The following GNA14 variants were observed in gnomAD, a reference collection of about 807,000 sequenced individuals.
The protein encoded by GNA14 is G protein subunit alpha 14.
Under a neutral mutation model 42.0 loss-of-function variants are expected in GNA14, and 50 were observed. That is an observed-to-expected ratio of 1.19 (90% CI 0.95 to 1.51). The LOEUF is 1.51. GNA14 is among the 40% of genes most tolerant of loss of function. The pLI is 0.00. For missense variants in GNA14, 473 were observed against 446.2 expected (o/e 1.06, Z -0.54); for synonymous variants, 173 against 163.1 (o/e 1.06, Z -0.46).
At chr9:77,441,301 G>T (rs1835729826) in intron 2 of GNA14, among the ~76,000 whole-genome samples, 1 of 152,110 alleles carries the variant, frequency 6.6e-6, no homozygotes, top group African/African-American at 2.4e-5. Flanking sequence ...AGATGTGATG[G>T]TTTCCTAAGT....
At chr9:77,557,884 C>A (rs570334648) in intron 1 of GNA14, among the ~76,000 whole-genome samples, 1 of 152,068 alleles carries the variant, frequency 6.6e-6, no homozygotes, top group African/African-American at 2.4e-5. Flanking sequence ...TCTGAGCAGC[C>A]CTTAGGGATT....
At chr9:77,557,687 C>T (rs576380364) in intron 1 of GNA14, among the ~76,000 whole-genome samples, 3 of 152,040 alleles carry the variant, frequency 2.0e-5, no homozygotes, top group East Asian at 1.9e-4. Flanking sequence ...ACAAGGAGTG[C>T]GGTGGTTAAT....
At chr9:77,545,267 G>A (rs1837706461) in intron 1 of GNA14, among the ~76,000 whole-genome samples, 1 of 144,012 alleles carries the variant, frequency 6.9e-6, no homozygotes. Context: ...TAAATAAGAG[G>A]AGCTACCAGT....
chr9:77,619,329 C>T (rs913888965), intron 1 of GNA14, among the ~76,000 whole-genome samples: 2 of 152,292 alleles, frequency 1.3e-5, no homozygotes, highest in Admixed American at 6.5e-5. Context: ...GCCTCAGCCT[C>T]CTGAGTAGCT....
chr9:77,598,294 A>G (rs1331649570), intron 1 of GNA14, among the ~76,000 whole-genome samples: 1 of 152,190 alleles, frequency 6.6e-6, no homozygotes, highest in Admixed American at 6.5e-5. Flanking sequence ...AGAATGGGGT[A>G]CACTAGACAA....
chr9:77,508,100 GCT>G (rs1837099895), intron 2 of GNA14, among the ~76,000 whole-genome samples: 2 of 152,184 alleles, frequency 1.3e-5, no homozygotes, highest in South Asian at 4.2e-4. Flanking sequence ...CCGCTTCCCT[GCT>G]CTCTCTCATT....
At chr9:77,646,403 C>T (rs1015617370) in intron 1 of GNA14, among the ~76,000 whole-genome samples, 1 of 152,098 alleles carries the variant, frequency 6.6e-6, no homozygotes, top group African/African-American at 2.4e-5. Flanking sequence ...CCCCTTTGGA[C>T]CTACAGACTT....
At chr9:77,532,977 G>A (rs1837550731) in intron 1 of GNA14, among the ~76,000 whole-genome samples, 1 of 152,072 alleles carries the variant, frequency 6.6e-6, no homozygotes, top group South Asian at 2.1e-4. Flanking sequence ...GGGGTGGAGG[G>A]GTCACAGTCC....
intron 2 of GNA14, among the ~76,000 whole-genome samples, chr9:77,435,065 A>C (rs1254992647): frequency 2.6e-5 from 4 of 151,540 alleles, no homozygotes; most frequent in Non-Finnish European, 4.4e-5. Context: ...AAAAAAAAAA[A>C]AAAAAAACAC....
chr9:77,479,813 T>C (rs1421980531), intron 2 of GNA14, among the ~76,000 whole-genome samples: 3 of 152,074 alleles, frequency 2.0e-5, no homozygotes, highest in South Asian at 2.1e-4. Flanking sequence ...TTTGAAGCAA[T>C]TGTGAATGGG....
At chr9:77,604,132 T>C (rs1322113233) in intron 1 of GNA14, among the ~76,000 whole-genome samples, 5 of 152,174 alleles carry the variant, frequency 3.3e-5, no homozygotes, top group Non-Finnish European at 7.3e-5. Context: ...TCGGCTGAGA[T>C]GCCATTGCTT....
chr9:77,512,333 T>C (rs1209591701), intron 2 of GNA14, among the ~76,000 whole-genome samples: 1 of 152,200 alleles, frequency 6.6e-6, no homozygotes, highest in Non-Finnish European at 1.5e-5. Context: ...ATATCTTAAT[T>C]TTAAACTGCT....
intron 1 of GNA14, among the ~76,000 whole-genome samples, chr9:77,590,334 G>T (rs552619245): frequency 6.6e-6 from 1 of 152,252 alleles, no homozygotes; most frequent in Non-Finnish European, 1.5e-5. Flanking sequence ...GCACTGAAGG[G>T]GACTGATGTG....
At chr9:77,491,904 T>C (rs1836783013) in intron 2 of GNA14, among the ~76,000 whole-genome samples, 1 of 152,190 alleles carries the variant, frequency 6.6e-6, no homozygotes, top group African/African-American at 2.4e-5. Context: ...GAATAAACCA[T>C]GTCTTAGGCT....
At chr9:77,509,043 C>G (rs1837118328) in intron 2 of GNA14, among the ~76,000 whole-genome samples, 1 of 152,182 alleles carries the variant, frequency 6.6e-6, no homozygotes, top group Non-Finnish European at 1.5e-5. Context: ...CCATCCCTCT[C>G]CAGAACTTTT....
intron 1 of GNA14, among the ~76,000 whole-genome samples, chr9:77,559,716 C>G (rs1182452712): frequency 6.6e-6 from 1 of 152,204 alleles, no homozygotes; most frequent in African/African-American, 2.4e-5. Context: ...ACAAAGAAAG[C>G]ACCATTTAAG....
At chr9:77,508,933 A>G (rs1410169360) in intron 2 of GNA14, among the ~76,000 whole-genome samples, 4 of 151,734 alleles carry the variant, frequency 2.6e-5, no homozygotes, top group African/African-American at 9.7e-5. Flanking sequence ...TAGTGAGGGT[A>G]TTTTTTTTGC....
At chr9:77,495,358 A>G (rs1836853759) in intron 2 of GNA14, among the ~76,000 whole-genome samples, 1 of 151,956 alleles carries the variant, frequency 6.6e-6, no homozygotes, top group Admixed American at 6.6e-5. Flanking sequence ...TGGTGCTGGG[A>G]GTTTCTTCTT....
intron 1 of GNA14, among the ~76,000 whole-genome samples, chr9:77,534,643 T>C (rs896368438): frequency 6.6e-6 from 1 of 152,220 alleles, no homozygotes; most frequent in East Asian, 1.9e-4. Context: ...AGAACAAGAA[T>C]GAGCACACAG....
Sources: allele counts gnomAD v4.1 joint callset (sites outside exome capture counted in the v4.1 genomes callset), GRCh38; gene constraint gnomAD v4.1.1; transcripts MANE v1.5; gene names NCBI Gene and HGNC (gene_info 2026-07-23, HGNC 2026-07-21).